Variants in PCDHGB7 observed in about 807,000 individuals in gnomAD.
The protein encoded by PCDHGB7 is protocadherin gamma-B7.
PCDHGB7 carries 37 observed loss-of-function variants against 61.4 expected under a neutral mutation model. That is an observed-to-expected ratio of 0.60 (90% CI 0.46 to 0.79). The LOEUF is 0.79. Ranked by LOEUF, PCDHGB7 falls within the 30% of genes least tolerant of loss-of-function variation. The probability of loss-of-function intolerance (pLI) is 0.00; values close to 1 mark genes in which losing one functional copy is unlikely to be tolerated. For synonymous variants in PCDHGB7, 464 were observed against 503.5 expected (o/e 0.92, Z 1.05); for missense variants, 1,166 against 1,202.5 (o/e 0.97, Z 0.45).
chr5:141,487,803 A>G lies in PCDHGB7; in HGVS notation c.2416-7004A>G. On this transcript the variant is annotated intron_variant, in intron 1 of 3. Transcript: ENST00000398594. The surrounding 1 kb of genome is among the most constrained non-coding windows in gnomAD (Gnocchi z 5.0). ...TTCGTGAATTAACCAGAGTTGTCAC[A>G]GTTTAGCATTGGGGGCGGGTCATGC... 2.0e-6 allele frequency: 3 copies of G among 1,466,166 alleles called. No individual in the cohort carries two copies. The highest frequency in any genetic ancestry group is 2.8e-6 in the Non-Finnish European group (3 of 1,084,448). The allele number at this position is 1,466,166 out of a possible 1,614,324, so 90.8% of individuals were successfully genotyped here. A position where few individuals can be genotyped will look rare whatever the true frequency, so the allele number is the denominator to read the frequency against.
chr5:141,511,695 C>A lies in PCDHGB7; in HGVS notation c.*522C>A, dbSNP rs1009832192. The A allele has an allele frequency of 9.7e-5, 19 of 195,544 alleles. No individual in the cohort carries two copies. The highest frequency in any genetic ancestry group is 1.7e-4 in the Non-Finnish European group (16 of 92,634). 12.1% of individuals were successfully genotyped at this position (195,544 alleles called of 1,614,324 possible). A position where few individuals can be genotyped will look rare whatever the true frequency, so the allele number is the denominator to read the frequency against. On this transcript the variant is annotated 3_prime_UTR_variant, in exon 4 of 4. Transcript: ENST00000398594. ...CTTCCCCCAAAGCATGGTTTGGTGC[C>A]AGCCCCTTCACCTCCTTCCAGAGCC...
Position 141,431,628 on chromosome 5 carries a change from A to T in PCDHGB7, c.2415+11354A>T, listed in dbSNP as rs1204083567. The T allele has an allele frequency of 6.2e-7, 1 of 1,614,138 alleles. No individual in the cohort carries two copies. Among genetic ancestry groups the T allele is most frequent in the Non-Finnish European group, 8.5e-7 (1 of 1,180,058 alleles). ...CGGTATGTGGACGACAAGGCGGCCC[A>T]AGTTTTCAAACTAGATTGTAATTCA... On this transcript the variant is annotated intron_variant, in intron 1 of 3. Coordinates refer to ENST00000398594, the MANE Select transcript of PCDHGB7 (RefSeq NM_018927.4). The surrounding 1 kb of genome is among the most constrained non-coding windows in gnomAD (Gnocchi z 4.8).
In PCDHGB7 at chr5:141,489,406, A is replaced by T; in HGVS notation, c.2416-5401A>T. 6.2e-7 allele frequency: 1 copy of T among 1,614,166 alleles called. No individual in the cohort carries two copies. Among genetic ancestry groups the T allele is most frequent in the Non-Finnish European group, 8.5e-7 (1 of 1,180,028 alleles). Reference sequence around the variant, plus strand: ...TGTTGCTCAGGATCTGGGCTTAAAGATGACAGATCTGTTGAGCCGGCGGCT... The same window carrying T: ...TGTTGCTCAGGATCTGGGCTTAAAGTTGACAGATCTGTTGAGCCGGCGGCT... On this transcript the variant is annotated intron_variant, in intron 1 of 3. Coordinates refer to ENST00000398594, the MANE Select transcript of PCDHGB7 (RefSeq NM_018927.4). This position sits in a 1 kb window ranked among gnomAD's most constrained non-coding sequence, Gnocchi z 4.5.
intron 1 of PCDHGB7, among the ~76,000 whole-genome samples, chr5:141,437,741 C>CTTT (rs35124340): frequency 4.2e-5 from 6 of 141,750 alleles, no homozygotes; most frequent in Admixed American, 7.0e-5. Flanking sequence ...TTGAGTTCAC[C>CTTT]TTTTTTTTTT....
At chr5:141,424,982 G>T (rs2096852076) in intron 1 of PCDHGB7, among the ~76,000 whole-genome samples, 1 of 152,106 alleles carries the variant, frequency 6.6e-6, no homozygotes, top group South Asian at 2.1e-4. Context: ...GGATATTTAT[G>T]TTCCCTTTCA....
At chr5:141,422,503 A>G (rs2096653107) in intron 1 of PCDHGB7, 2 of 1,613,924 alleles carry the variant, frequency 1.2e-6, no homozygotes, top group Non-Finnish European at 1.7e-6. Context: ...GTTGACAGCC[A>G]CAGACCAGGG....
chr5:141,418,738 T>G lies in PCDHGB7; in HGVS notation c.879T>G (p.Ser293=), dbSNP rs781221446. 4.3e-6 allele frequency: 7 copies of G among 1,613,964 alleles called. No homozygotes were observed. In the South Asian group the frequency reaches 6.6e-5, roughly 15 times the overall value. Residue 293 remains serine, a synonymous_variant, in exon 1 of 4, where the codon TCT becomes TCG. Transcript: ENST00000398594. ...CTGACAAAGCTCAGCACGTGTTCTC[T>G]CTGGATTACACTACAGGAAACATTC... The part of the protein sequence containing the change: ...GVADKAQHVF[S]LDYTTGNILT...
intron 1 of PCDHGB7, chr5:141,428,594 G>T (rs1317075888): frequency 4.4e-6 from 1 of 227,916 alleles, no homozygotes; most frequent in Admixed American, 5.2e-5. Context: ...CTGGTAGCAA[G>T]CTTCACTGAA....
At chr5:141,508,193 C>T (rs1426786164) in intron 3 of PCDHGB7, 1 of 152,326 alleles carries the variant, frequency 6.6e-6, no homozygotes, top group Non-Finnish European at 1.5e-5. Flanking sequence ...ATCACCCCCA[C>T]CTCGTCCAGG....
At chr5:141,480,703 C>G (rs577131684) in intron 1 of PCDHGB7, among the ~76,000 whole-genome samples, 1 of 152,134 alleles carries the variant, frequency 6.6e-6, no homozygotes, top group African/African-American at 2.4e-5. Context: ...GGCCACACCC[C>G]GACAAATGAA....
At chr5:141,441,710 G>A (rs2098266791) in intron 1 of PCDHGB7, 1 of 322,162 alleles carries the variant, frequency 3.1e-6, no homozygotes, top group Non-Finnish European at 6.1e-6. Context: ...TCAAGCTCAC[G>A]CTGCAGGCCC....
At chr5:141,510,304 A>G (rs1030803209) in intron 3 of PCDHGB7, among the ~76,000 whole-genome samples, 1 of 151,732 alleles carries the variant, frequency 6.6e-6, no homozygotes, top group Non-Finnish European at 1.5e-5. Context: ...CTGTTTTGAA[A>G]TGGAGGCTTG....
At chr5:141,468,652 G>A (rs1206892693) in intron 1 of PCDHGB7, 2 of 149,062 alleles carry the variant, frequency 1.3e-5, no homozygotes, top group African/African-American at 2.5e-5. Context: ...GGATCACAAG[G>A]TCAGGAGATC....
intron 1 of PCDHGB7, among the ~76,000 whole-genome samples, chr5:141,483,525 A>G (rs1442825090): frequency 1.3e-5 from 2 of 152,126 alleles, no homozygotes; most frequent in African/African-American, 4.8e-5. Context: ...ATCCTGACTA[A>G]GGAAGCTGGG....
rs144490159 is a variant in PCDHGB7, at chr5:141,418,260, G to A, written c.401G>A (p.Arg134Gln). The A allele has an allele frequency of 5.0e-3, 7,995 of 1,614,000 alleles. 44 individuals carry two copies. Among genetic ancestry groups the A allele is most frequent in the Admixed American group, 9.4e-3 (566 of 60,026 alleles). ...GTTAATGACCACGCCCCTCAATTCCGGAAAGATGAAATAAACTTAGAAATC... is the reference window on the plus strand; with the variant it reads ...GTTAATGACCACGCCCCTCAATTCCAGAAAGATGAAATAAACTTAGAAATC... ...EDVNDHAPQF[R>Q]KDEINLEISE... Residue 134 changes from arginine (R) to glutamine (Q), a missense_variant, in exon 1 of 4, where the codon CGG (arginine) becomes CAG (glutamine). Coordinates refer to ENST00000398594, the MANE Select transcript of PCDHGB7 (RefSeq NM_018927.4).
At chr5:141,471,075 G>T (rs574363005) in intron 1 of PCDHGB7, among the ~76,000 whole-genome samples, 1 of 143,346 alleles carries the variant, frequency 7.0e-6, no homozygotes, top group East Asian at 2.0e-4. Context: ...TTGAGACAGG[G>T]TCTCCCTCTG....
intron 2 of PCDHGB7, among the ~76,000 whole-genome samples, chr5:141,505,145 G>A (rs540889707): frequency 1.3e-5 from 2 of 152,288 alleles, no homozygotes; most frequent in East Asian, 3.9e-4. Flanking sequence ...CTGGATGACA[G>A]AGTAAGACCC....
intron 1 of PCDHGB7, among the ~76,000 whole-genome samples, chr5:141,452,375 G>A (rs1239059045): frequency 2.0e-5 from 3 of 152,194 alleles, no homozygotes; most frequent in African/African-American, 7.2e-5. Context: ...TTTTAGTAGG[G>A]AATAGTATTT....
Position 141,491,756 on chromosome 5 carries a change from C to T in PCDHGB7, c.2416-3051C>T. The T allele has an allele frequency of 1.3e-6, 2 of 1,581,720 alleles. No individual in the cohort carries two copies. Among genetic ancestry groups the T allele is most frequent in the Non-Finnish European group, 8.6e-7 (1 of 1,165,100 alleles). ...CCTGGGGGCGGCACTGGAGAAGCCG[C>T]CCGTCCTCATAAGGGATTGAACTTG... On this transcript the variant is annotated intron_variant, in intron 1 of 3. Coordinates refer to ENST00000398594, the MANE Select transcript of PCDHGB7 (RefSeq NM_018927.4). This position sits in a 1 kb window ranked among gnomAD's most constrained non-coding sequence, Gnocchi z 6.9.
Sources: gnomAD v4.1 joint callset for allele counts (sites outside exome capture counted in the v4.1 genomes callset) on GRCh38, gnomAD v4.1.1 for gene constraint, Gnocchi (gnomAD v3.1) non-coding constraint, MANE v1.5 for transcripts, NCBI Gene and HGNC (gene_info 2026-07-23, HGNC 2026-07-21) for gene names.